Variants in HADHA observed in about 807,000 individuals in gnomAD.
HADHA encodes the protein trifunctional enzyme subunit alpha, mitochondrial.
HADHA carries 59 observed loss-of-function variants against 91.3 expected under a neutral mutation model. That is an observed-to-expected ratio of 0.65 (90% CI 0.52 to 0.80). The LOEUF is 0.80. Ranked by LOEUF, HADHA falls within the 30% of genes least tolerant of loss-of-function variation. The pLI is 0.00. For synonymous variants in HADHA, 320 were observed against 338.9 expected (o/e 0.94, Z 0.61); for missense variants, 800 against 927.6 (o/e 0.86, Z 1.79).
chr2:26,217,167 G>A (rs1039592898), intron 7 of HADHA, among the ~76,000 whole-genome samples: 8 of 151,918 alleles, frequency 5.3e-5, no homozygotes, highest in Admixed American at 1.3e-4. Context: ...GACCAGACTC[G>A]GCAAGACCCC....
At chr2:26,239,567 A>G (rs1670842796) in intron 1 of HADHA, among the ~76,000 whole-genome samples, 1 of 152,184 alleles carries the variant, frequency 6.6e-6, no homozygotes, top group African/African-American at 2.4e-5. Context: ...TGGAGAACCC[A>G]GTGAAGGTGG....
In HADHA at chr2:26,234,340, G is replaced by A. The variant is rs1313026920; in HGVS notation, c.330C>T (p.Cys110=). ...AGADINMLAA[C]KTLQEVTQLS... is the part of the protein sequence containing the mutation. Reference sequence around the variant, plus strand: ...GCTGTGTTACTTCTTGAAGGGTCTTGCAAGCGGCTAACATGCTGCATTATC... The same window carrying A: ...GCTGTGTTACTTCTTGAAGGGTCTTACAAGCGGCTAACATGCTGCATTATC... The change falls in exon 5 of 20, where the codon TGC becomes TGT. Residue 110 remains cysteine (C), a synonymous_variant. Transcript: ENST00000380649. 1.2e-6 allele frequency: 2 copies of A among 1,612,994 alleles called. No homozygotes were observed. Among genetic ancestry groups the A allele is most frequent in the Non-Finnish European group, 1.7e-6 (2 of 1,179,106 alleles).
chr2:26,227,325 A>T (rs774126256), intron 7 of HADHA, among the ~76,000 whole-genome samples: 8 of 152,144 alleles, frequency 5.3e-5, no homozygotes, highest in Non-Finnish European at 1.0e-4. Flanking sequence ...CAGCCCTGAC[A>T]ACATGGTAAA....
rs1558330009 is a variant in HADHA, at chr2:26,234,317, T to A, written c.353A>T (p.Gln118Leu). The A allele has an allele frequency of 6.2e-7, 1 of 1,613,182 alleles. No individual in the cohort carries two copies. Among genetic ancestry groups the A allele is most frequent in the Non-Finnish European group, 8.5e-7 (1 of 1,179,070 alleles). ...TATTCTCTGTGCTTCTTGTGATAGC[T>A]GTGTTACTTCTTGAAGGGTCTTGCA... ...AACKTLQEVT[Q>L]LSQEAQRIVE... Residue 118 changes from glutamine (Q) to leucine (L), a missense_variant, in exon 5 of 20, where the codon CAG becomes CTG. By Grantham distance (113) the Gln-to-Leu change is moderately radical (BLOSUM62 -2). Transcript: ENST00000380649.
intron 12 of HADHA, 86 bp downstream of exon 12, chr2:26,203,976 A>T: frequency 7.3e-7 from 1 of 1,374,096 alleles, no homozygotes; most frequent in South Asian, 1.2e-5. Flanking sequence ...CAAACAAACA[A>T]AAAAACCCAC....
intron 1 of HADHA, among the ~76,000 whole-genome samples, chr2:26,242,095 G>T (rs944430207): frequency 9.2e-5 from 14 of 152,138 alleles, no homozygotes; most frequent in Admixed American, 3.3e-4. Flanking sequence ...TAGAGATGGG[G>T]TTTCACCATG....
At chr2:26,198,662 A>T (rs1669748112) in intron 13 of HADHA, among the ~76,000 whole-genome samples, 1 of 5,432 alleles carries the variant, frequency 1.8e-4, no homozygotes, top group Non-Finnish European at 3.4e-4. Flanking sequence ...CTTAAGATTT[A>T]AAAAAAAAAG....
chr2:26,191,841 T>G (rs1254388718), intron 18 of HADHA, among the ~76,000 whole-genome samples: 1 of 152,208 alleles, frequency 6.6e-6, no homozygotes, highest in Non-Finnish European at 1.5e-5. Context: ...ACTGAGCACC[T>G]AGAACAGGGC....
intron 11 of HADHA, among the ~76,000 whole-genome samples, chr2:26,207,846 G>T (rs1348468378): frequency 6.6e-6 from 1 of 152,098 alleles, no homozygotes; most frequent in East Asian, 1.9e-4. Flanking sequence ...AGATTAATTT[G>T]TAAAGAGACA....
chr2:26,204,082 T>C lies in HADHA; in HGVS notation c.1200A>G (p.Gly400=). 1 of 1,614,032 alleles carries C rather than the reference T, an allele frequency of 6.2e-7. No individual in the cohort carries two copies. The highest frequency in any genetic ancestry group is 8.5e-7 in the Non-Finnish European group (1 of 1,179,860). ...CTTACCCTTTGAACACTTGTTGCTG[T>C]CCTCGGTCTAGCGCAGTGAGGGTGG... ...KDATLTALDR[G]QQQVFKGLND... Residue 400 remains glycine, a synonymous_variant, in exon 12 of 20, where the codon GGA becomes GGG. Transcript: ENST00000380649.
At chr2:26,197,865 C>T in intron 13 of HADHA, 88 bp from the exon 14 acceptor site, 1 of 773,628 alleles carries the variant, frequency 1.3e-6, no homozygotes, top group Non-Finnish European at 2.4e-6. Flanking sequence ...ACACCTGGGC[C>T]CAGCCCACTC....
rs376306806 is a variant in HADHA, at chr2:26,215,178, A to G, written c.677-3T>C. On this transcript the variant is annotated splice_region_variant and splice_polypyrimidine_tract_variant and intron_variant, in intron 7 of 19. Coordinates refer to ENST00000380649, the MANE Select transcript of HADHA (RefSeq NM_000182.5). The stretch of plus-strand genomic sequence containing the variant: ...CTCTGGAGGTTTTAGTCCTGGTCCT[A>G]TAAAAATGAATGCAACACTGGAATG... 7.4e-6 allele frequency: 12 copies of G among 1,612,794 alleles called. No individual in the cohort carries two copies. The African/African-American group carries it at 1.1e-4, about 14-fold the overall frequency.
chr2:26,192,275 C>G (rs751176614), intron 18 of HADHA, 35 bp downstream of exon 18: 3 of 1,103,500 alleles, frequency 2.7e-6, no homozygotes, highest in African/African-American at 3.1e-5. Flanking sequence ...CAGAGAAAGT[C>G]AATTTCCAGG....
chr2:26,231,884 G>A (rs371469769), intron 6 of HADHA, among the ~76,000 whole-genome samples: 2 of 150,450 alleles, frequency 1.3e-5, no homozygotes, highest in African/African-American at 2.4e-5. Flanking sequence ...CAGGAGAATC[G>A]CTTGAACCTG....
At chr2:26,237,112 A>G (rs1670782254) in intron 3 of HADHA, 124 bp from the exon 4 acceptor site, 1 of 797,332 alleles carries the variant, frequency 1.3e-6, no homozygotes, top group Non-Finnish European at 2.2e-6. Flanking sequence ...CTGTTAGAAG[A>G]GAGTAAGAAA....
rs371567909 is a variant in HADHA, at chr2:26,219,006, C to CAAA, written c.677-3834_677-3832dup. On this transcript the variant is annotated intron_variant, in intron 7 of 19. Coordinates refer to ENST00000380649, the MANE Select transcript of HADHA (RefSeq NM_000182.5). Reference sequence around the variant, plus strand: ...TGGGCAACAGAGCAAGACTCCGTCTCAAAAAAAAAAAAAAAAAGAAAGAAA... The same window carrying CAAA: ...TGGGCAACAGAGCAAGACTCCGTCTCAAAAAAAAAAAAAAAAAAAAGAAAGAAA... Among the ~76,000 whole-genome samples, 425 of 102,630 alleles carry CAAA rather than the reference C, an allele frequency of 4.1e-3. 17 individuals are homozygous for CAAA. Among genetic ancestry groups the CAAA allele is most frequent in the African/African-American group, 0.015 (382 of 25,552 alleles). The allele number at this position is 102,630 out of a possible 152,430, so 67.3% of individuals were successfully genotyped here.
rs754239439 is a variant in HADHA at position 26,230,327 on chromosome 2, G to GA, written c.574-34dup. On this transcript the variant is annotated intron_variant, in intron 6 of 19. Transcript: ENST00000380649. ...GCAAGCAAGGATGAGAATATAGGGG[G>GA]AAAAAAATCAGGGTGATAATTATAT... The GA allele has an allele frequency of 1.1e-5, 14 of 1,240,226 alleles. No individual in the cohort carries two copies. In the Admixed American group the frequency reaches 2.0e-4, roughly 18 times the overall value. 76.8% of individuals were successfully genotyped at this position (1,240,226 alleles called of 1,614,324 possible). A position where few individuals can be genotyped will look rare whatever the true frequency, so the allele number is the denominator to read the frequency against.
Position 26,210,206 on chromosome 2 carries a change from C to T in HADHA, c.976-317G>A, listed in dbSNP as rs572362988. Among the ~76,000 whole-genome samples, 3 of 152,304 alleles carry T rather than the reference C, an allele frequency of 2.0e-5. No individual in the cohort carries two copies. The highest frequency in any genetic ancestry group is 7.2e-5 in the African/African-American group (3 of 41,570). On this transcript the variant is annotated intron_variant, in intron 10 of 19. Transcript: ENST00000380649. This position sits in a 1 kb window ranked among gnomAD's most constrained non-coding sequence, Gnocchi z 4.0. ...CTAGAGTCTCAGGGCCAAAATGAGCCTCCACAATCATCTCAAACCAACCCT... is the reference window on the plus strand; with the variant it reads ...CTAGAGTCTCAGGGCCAAAATGAGCTTCCACAATCATCTCAAACCAACCCT...
At chr2:26,198,581 G>A (rs952087685) in intron 13 of HADHA, among the ~76,000 whole-genome samples, 2 of 151,428 alleles carry the variant, frequency 1.3e-5, no homozygotes, top group Admixed American at 1.3e-4. Flanking sequence ...AATCAAGGAG[G>A]AAGACACATT....
Sources: gnomAD v4.1 joint callset for allele counts (sites outside exome capture counted in the v4.1 genomes callset) on GRCh38, gnomAD v4.1.1 for gene constraint, Gnocchi (gnomAD v3.1) non-coding constraint, MANE v1.5 for transcripts, NCBI Gene and HGNC (gene_info 2026-07-23, HGNC 2026-07-21) for gene names.